The following TPRN variants were observed in gnomAD, a reference collection of about 807,000 sequenced individuals.
TPRN encodes chromosome 9 open reading frame 75.
Under a neutral mutation model 42.6 loss-of-function variants are expected in TPRN, and 32 were observed. The observed-to-expected ratio is 0.75, with a 90% CI of 0.57 to 1.01. The LOEUF (loss-of-function observed/expected upper bound fraction) is 1.01. Ranked by LOEUF, TPRN falls within the 50% of genes least tolerant of loss-of-function variation. The pLI is 0.00. For synonymous variants in TPRN, 541 were observed against 445.6 expected (o/e 1.21, Z -2.70); for missense variants, 1,095 against 957.5 (o/e 1.14, Z -1.90).
In TPRN at chr9:137,192,663, A is replaced by G. The variant is rs745820175; in HGVS notation, c.1754T>C (p.Leu585Pro). ...KMKISFNDKSLQTTFEYPSES... is the reference protein window; with the variant it reads ...KMKISFNDKSPQTTFEYPSES... The stretch of plus-strand genomic sequence containing the variant: ...GGAAGGGTACTCAAATGTGGTCTGC[A>G]GGCTTTTGTCGTTGAAGGAGATCTT... The change falls in exon 2 of 4, where the codon CTG becomes CCG. Residue 585 changes from leucine to proline, a missense_variant. Physicochemically the swap from Leu to Pro is moderately conservative, Grantham distance 98. Transcript: ENST00000409012. 1.9e-6 allele frequency: 3 copies of G among 1,613,838 alleles called. No individual in the cohort carries two copies. Among genetic ancestry groups the G allele is most frequent in the East Asian group, 2.2e-5 (1 of 44,872 alleles).
In TPRN at chr9:137,200,194, G is replaced by T; in HGVS notation, c.518C>A (p.Ala173Asp). ...PPAPPRPPPA[A>D]PSPPAAPGPR... The stretch of plus-strand genomic sequence containing the variant: ...CCCGGGCGCGGCGGGCGGGCTGGGG[G>T]CCGCGGGCGGGGGCCGGGGCGGCGC... Residue 173 changes from alanine to aspartate, a missense_variant, in exon 1 of 4, where the codon GCC (alanine) becomes GAC (aspartate). Coordinates refer to ENST00000409012, the MANE Select transcript of TPRN (RefSeq NM_001128228.3). The surrounding 1 kb of genome is among the most constrained non-coding windows in gnomAD (Gnocchi z 4.3). The T allele has an allele frequency of 2.1e-6, 2 of 964,568 alleles. No homozygotes were observed. Among genetic ancestry groups the T allele is most frequent in the African/African-American group, 1.8e-5 (1 of 55,684 alleles). 59.8% of individuals were successfully genotyped at this position (964,568 alleles called of 1,614,324 possible).
At chr9:137,192,764 G>T in intron 1 of TPRN, 73 bp from the exon 2 acceptor site, 2 of 1,556,916 alleles carry the variant, frequency 1.3e-6, no homozygotes, top group Non-Finnish European at 8.8e-7. Flanking sequence ...CTCAGGTTCA[G>T]CCCTCAGGAT....
Position 137,191,974 on chromosome 9 carries a change from C to T in TPRN, c.*138G>A. 1.8e-6 allele frequency: 2 copies of T among 1,107,336 alleles called. No individual in the cohort carries two copies. The highest frequency in any genetic ancestry group is 2.6e-6 in the Non-Finnish European group (2 of 757,816). 68.6% of individuals were successfully genotyped at this position (1,107,336 alleles called of 1,614,324 possible). On this transcript the variant is annotated 3_prime_UTR_variant, in exon 4 of 4. Coordinates refer to ENST00000409012, the MANE Select transcript of TPRN (RefSeq NM_001128228.3). ...GCCCCGATGGCAGGAGGCACCCTAG[C>T]TGCTTCCAGGGCCAGGAGGGGTGGG...
At chr9:137,196,702 A>G (rs1834710893) in intron 1 of TPRN, among the ~76,000 whole-genome samples, 1 of 152,226 alleles carries the variant, frequency 6.6e-6, no homozygotes, top group African/African-American at 2.4e-5. Flanking sequence ...GGGGCCACAG[A>G]GTACATGGGA....
intron 1 of TPRN, among the ~76,000 whole-genome samples, chr9:137,196,502 G>A (rs1424346194): frequency 6.6e-6 from 1 of 152,142 alleles, no homozygotes; most frequent in South Asian, 2.1e-4. Context: ...CAGGAGAATC[G>A]CTTGAACCCT....
In TPRN at chr9:137,200,161, C is replaced by T. The variant is rs1379143451; in HGVS notation, c.551G>A (p.Gly184Asp). The T allele has an allele frequency of 1.9e-5, 22 of 1,188,048 alleles. No individual in the cohort carries two copies. Among genetic ancestry groups the T allele is most frequent in the Middle Eastern group, 6.6e-4 (2 of 3,012 alleles). The allele number at this position is 1,188,048 out of a possible 1,614,324, so 73.6% of individuals were successfully genotyped here. ...PSPPAAPGPR[G>D]GGASPGARRS... ...CCGGGCCCCGGGGCTCGCCCCGCCACCGCGGGGCCCGGGCGCGGCGGGCGG... is the reference window on the plus strand; with the variant it reads ...CCGGGCCCCGGGGCTCGCCCCGCCATCGCGGGGCCCGGGCGCGGCGGGCGG... The change falls in exon 1 of 4, where the codon GGT becomes GAT. Residue 184 changes from glycine (G) to aspartate (D), a missense_variant. Coordinates refer to ENST00000409012, the MANE Select transcript of TPRN (RefSeq NM_001128228.3). This position sits in a 1 kb window ranked among gnomAD's most constrained non-coding sequence, Gnocchi z 4.3.
Position 137,191,995 on chromosome 9 carries a change from G to T in TPRN, c.*117C>A. ...CTAGCTGCTTCCAGGGCCAGGAGGGGTGGGTGGGATACAGTGAGGCCAAAC... is the reference window on the plus strand; with the variant it reads ...CTAGCTGCTTCCAGGGCCAGGAGGGTTGGGTGGGATACAGTGAGGCCAAAC... On this transcript the variant is annotated 3_prime_UTR_variant, in exon 4 of 4. Transcript: ENST00000409012. The T allele has an allele frequency of 7.7e-7, 1 of 1,290,982 alleles. No individual in the cohort carries two copies. The highest frequency in any genetic ancestry group is 1.1e-6 in the Non-Finnish European group (1 of 920,004). The allele number at this position is 1,290,982 out of a possible 1,614,324, so 80.0% of individuals were successfully genotyped here. A position where few individuals can be genotyped will look rare whatever the true frequency, so the allele number is the denominator to read the frequency against.
At position 137,199,615 on chromosome 9, in the gene TPRN, T is replaced by G; in HGVS notation, c.1097A>C (p.Glu366Ala). 6.4e-7 allele frequency: 1 copy of G among 1,559,746 alleles called. No homozygotes were observed. Among genetic ancestry groups the G allele is most frequent in the Non-Finnish European group, 8.7e-7 (1 of 1,152,268 alleles). The part of the protein sequence containing the change: ...GDLGPASPSQ[E>A]LGSQPVPGGD... ...TCCAGGCACCGGCTGGGATCCGAGC[T>G]CCTGGCTCGGGGAGGCCGGGCCCAG... is the stretch of plus-strand genomic sequence containing the variant. Residue 366 changes from glutamate (E) to alanine (A), a missense_variant, in exon 1 of 4, where the codon GAG becomes GCG. Transcript: ENST00000409012.
chr9:137,195,136 C>T lies in TPRN; in HGVS notation c.1726-2445G>A, dbSNP rs117646357. On this transcript the variant is annotated intron_variant, in intron 1 of 3. Transcript: ENST00000409012. ...GCTGAGCCCAGCCCCGCCTCTCCCTCCTCCCTGCACACAGCTACCTGCCTC... is the reference window on the plus strand; with the variant it reads ...GCTGAGCCCAGCCCCGCCTCTCCCTTCTCCCTGCACACAGCTACCTGCCTC... The T allele has an allele frequency of 6.6e-3, 1,009 of 152,856 alleles. 65 individuals are homozygous for T. In the South Asian group the frequency reaches 0.14, roughly 22 times the overall value. 9.5% of individuals were successfully genotyped at this position (152,856 alleles called of 1,614,324 possible).
intron 1 of TPRN, among the ~76,000 whole-genome samples, chr9:137,198,337 C>T (rs1164638419): frequency 1.3e-5 from 2 of 152,216 alleles, no homozygotes; most frequent in African/African-American, 4.8e-5. Context: ...AGGGAGACTC[C>T]CCTGCCTGGC....
intron 1 of TPRN, chr9:137,192,928 GA>G (rs1211483357): frequency 3.5e-6 from 2 of 569,580 alleles, no homozygotes; most frequent in East Asian, 5.9e-5. Flanking sequence ...ACCAAACGCT[GA>G]CCAGGACCAG....
Position 137,199,613 on chromosome 9 carries a change from GCTCCT to G in TPRN, c.1094_1098del (p.Gln365ProfsTer42). On this transcript the variant is annotated frameshift_variant, in exon 1 of 4. Transcript: ENST00000409012. LOFTEE classifies it high-confidence loss of function. ...CCTCCAGGCACCGGCTGGGATCCGA[GCTCCT>G]GGCTCGGGGAGGCCGGGCCCAGGTC... 1 of 1,559,074 alleles carries G rather than the reference GCTCCT, an allele frequency of 6.4e-7. No individual in the cohort carries two copies. The highest frequency in any genetic ancestry group is 8.7e-7 in the Non-Finnish European group (1 of 1,151,926).
chr9:137,197,398 A>C (rs371470254), intron 1 of TPRN, among the ~76,000 whole-genome samples: 1 of 152,108 alleles, frequency 6.6e-6, no homozygotes, highest in South Asian at 2.1e-4. Context: ...CACCGCGCCC[A>C]GCCCAGTTCT....
Position 137,199,455 on chromosome 9 carries a change from C to T in TPRN, c.1257G>A (p.Pro419=), listed in dbSNP as rs139972044. 27 of 1,604,314 alleles carry T rather than the reference C, an allele frequency of 1.7e-5. No homozygotes were observed. Among genetic ancestry groups the T allele is most frequent in the Admixed American group, 1.5e-4 (9 of 58,924 alleles). The change falls in exon 1 of 4, where the codon CCG becomes CCA. Residue 419 remains proline (P), a synonymous_variant. Coordinates refer to ENST00000409012, the MANE Select transcript of TPRN (RefSeq NM_001128228.3). ...CCGAAGCAGCCGGCAGGAAGGGGGG[C>T]GGTGAGGACGGCCTCTGCCACCTAA... The part of the protein sequence containing the change: ...RAIRWQRPSS[P]PPFLPAASEE...
chr9:137,199,092 G>A lies in TPRN; in HGVS notation c.1620C>T (p.Pro540=), dbSNP rs1834750529. The part of the protein sequence containing the change: ...EEEEASCLLG[P]TLKKRYPTVH... ...CGGTGGGGTAGCGCTTCTTCAACGTGGGCCCCAGGAGGCAACTAGCCTCCT... is the reference window on the plus strand; with the variant it reads ...CGGTGGGGTAGCGCTTCTTCAACGTAGGCCCCAGGAGGCAACTAGCCTCCT... The change falls in exon 1 of 4, where the codon CCC becomes CCT. Residue 540 remains proline, a synonymous_variant. Coordinates refer to ENST00000409012, the MANE Select transcript of TPRN (RefSeq NM_001128228.3). The A allele has an allele frequency of 6.2e-7, 1 of 1,613,238 alleles. No individual in the cohort carries two copies. Among genetic ancestry groups the A allele is most frequent in the Non-Finnish European group, 8.5e-7 (1 of 1,179,972 alleles).
At chr9:137,198,283 G>C (rs867218972) in intron 1 of TPRN, among the ~76,000 whole-genome samples, 1 of 152,248 alleles carries the variant, frequency 6.6e-6, no homozygotes, top group Non-Finnish European at 1.5e-5. Context: ...AGAATCTGAA[G>C]ATTTTTTTTC....
chr9:137,199,428 T>C lies in TPRN; in HGVS notation c.1284A>G (p.Glu428=). The part of the protein sequence containing the change: ...SPPPFLPAAS[E]EAEPAEGLRV... ...TGAGGCCCTCAGCAGGCTCAGCTTCTTCCGAAGCAGCCGGCAGGAAGGGGG... is the reference window on the plus strand; with the variant it reads ...TGAGGCCCTCAGCAGGCTCAGCTTCCTCCGAAGCAGCCGGCAGGAAGGGGG... The change falls in exon 1 of 4, where the codon GAA becomes GAG. Residue 428 remains glutamate, a synonymous_variant. Transcript: ENST00000409012. The C allele has an allele frequency of 6.2e-7, 1 of 1,611,602 alleles. No homozygotes were observed. Among genetic ancestry groups the C allele is most frequent in the South Asian group, 1.1e-5 (1 of 90,884 alleles).
At position 137,192,190 on chromosome 9, in the gene TPRN, C is replaced by T; in HGVS notation, c.2074-16G>A. 6.2e-7 allele frequency: 1 copy of T among 1,613,504 alleles called. No homozygotes were observed. Among genetic ancestry groups the T allele is most frequent in the Middle Eastern group, 1.6e-4 (1 of 6,062 alleles). ...CGGGTGTGAGCTGAAAGTGAGAGGA[C>T]AGAATGTGGACACATGGGCTCGCCC... is the stretch of plus-strand genomic sequence containing the variant. On this transcript the variant is annotated splice_polypyrimidine_tract_variant and intron_variant, in intron 3 of 3. Transcript: ENST00000409012.
In TPRN at chr9:137,200,700, C is replaced by G. The variant is rs915783513; in HGVS notation, c.12G>C (p.Leu4=). ...CGCGCGGCCCCGAGCCCGGCCGCCCCAGGGCGGCCATGCTGCGAACGCGGC... is the reference window on the plus strand; with the variant it reads ...CGCGCGGCCCCGAGCCCGGCCGCCCGAGGGCGGCCATGCTGCGAACGCGGC... MAA[L]GRPGSGPRAA... The change falls in exon 1 of 4, where the codon CTG becomes CTC. Residue 4 remains leucine (L), a synonymous_variant. Coordinates refer to ENST00000409012, the MANE Select transcript of TPRN (RefSeq NM_001128228.3). This position sits in a 1 kb window ranked among gnomAD's most constrained non-coding sequence, Gnocchi z 4.3. 6 of 1,192,124 alleles carry G rather than the reference C, an allele frequency of 5.0e-6. No homozygotes were observed. The African/African-American group carries it at 9.8e-5, about 19-fold the overall frequency. The allele number at this position is 1,192,124 out of a possible 1,614,324, so 73.8% of individuals were successfully genotyped here.
Sources: allele counts gnomAD v4.1 joint callset (sites outside exome capture counted in the v4.1 genomes callset), GRCh38; gene constraint gnomAD v4.1.1; non-coding constraint Gnocchi (gnomAD v3.1); transcripts MANE v1.5; gene names NCBI Gene and HGNC (gene_info 2026-07-23, HGNC 2026-07-21).